PHEX: variants seen among roughly 807,000 people sequenced by gnomAD.
PHEX encodes phosphate-regulating neutral endopeptidase PHEX.
Under a neutral mutation model 68.0 loss-of-function variants are expected in PHEX, and 16 were observed. That is an observed-to-expected ratio of 0.24 (90% CI 0.16 to 0.36). The LOEUF (loss-of-function observed/expected upper bound fraction) is 0.36. Among genes scored for constraint, PHEX ranks in the 10% least tolerant of loss-of-function variants. The pLI is 1.00. For synonymous variants in PHEX, 208 were observed against 205.1 expected, an observed-to-expected ratio of 1.01 and a Z score of -0.12; for missense variants, 480 against 575.5, an observed-to-expected ratio of 0.83 and a Z score of 1.70.
chrX:22,185,858 C>T (rs774937224), intron 14 of PHEX, among the ~76,000 whole-genome samples: 27 of 107,398 alleles, frequency 2.5e-4, no homozygotes, highest in Non-Finnish European at 2.9e-4. Context: ...CAGGTTCAAG[C>T]GATTCTCCTG....
intron 11 of PHEX, among the ~76,000 whole-genome samples, chrX:22,125,685 G>T (rs1602316584): frequency 8.9e-6 from 1 of 111,746 alleles, no homozygotes; most frequent in Non-Finnish European, 1.9e-5. Context: ...GGAGACATTT[G>T]CTGTGAACCT....
chrX:22,136,026 A>G (rs779275903), intron 12 of PHEX, among the ~76,000 whole-genome samples: 231 of 95,498 alleles, frequency 2.4e-3, no homozygotes, highest in African/African-American at 9.1e-3. Flanking sequence ...CCTGGACCCC[A>G]GAAGATGTAA....
chrX:22,123,679 T>G (rs188933128), intron 11 of PHEX, among the ~76,000 whole-genome samples: 1 of 111,018 alleles, frequency 9.0e-6, no homozygotes, highest in African/African-American at 3.3e-5. Flanking sequence ...ATGCCTAGTA[T>G]AGTAGCTTTC....
At chrX:22,141,715 T>C in intron 12 of PHEX, among the ~76,000 whole-genome samples, 1 of 111,884 alleles carries the variant, frequency 8.9e-6, no homozygotes, top group Non-Finnish European at 1.9e-5. Context: ...GTTTTAAAAA[T>C]CTATGCTCAT....
intron 15 of PHEX, 144 bp from the exon 16 acceptor site, chrX:22,212,760 A>G (rs1291803662): frequency 7.4e-6 from 4 of 538,551 alleles, no homozygotes; most frequent in Non-Finnish European, 1.0e-5. Context: ...TATCATTGAG[A>G]CAGCTAGATC....
intron 6 of PHEX, among the ~76,000 whole-genome samples, chrX:22,092,824 A>C (rs1210184842): frequency 1.1e-5 from 1 of 94,314 alleles, no homozygotes; most frequent in Non-Finnish European, 2.0e-5. Flanking sequence ...ATCTCGGCTC[A>C]CTGCAACCTC....
intron 15 of PHEX, among the ~76,000 whole-genome samples, chrX:22,196,568 T>C (rs1365154859): frequency 8.9e-6 from 1 of 112,550 alleles, no homozygotes; most frequent in South Asian, 3.7e-4. Flanking sequence ...TATTTGGTTT[T>C]CATTTCTACT....
rs1184861432 is a variant in PHEX, at chrX:22,250,325, G to A, written c.*2372G>A. 1 of 112,135 alleles carries A rather than the reference G, an allele frequency of 8.9e-6. No individual in the cohort carries two copies. The highest frequency in any genetic ancestry group is 1.9e-5 in the Non-Finnish European group (1 of 53,225). 9.2% of individuals were successfully genotyped at this position (112,135 alleles called of 1,213,427 possible). On this transcript the variant is annotated 3_prime_UTR_variant, in exon 22 of 22. Coordinates refer to ENST00000379374, the MANE Select transcript of PHEX (RefSeq NM_000444.6). ...AGGTAAAATGCAACTGGAAGGGAAA[G>A]AAAAAAGTAGGGAGAAGCTGGCCTA... is the stretch of plus-strand genomic sequence containing the variant.
chrX:22,073,277 G>C (rs1928987706), intron 3 of PHEX, among the ~76,000 whole-genome samples: 1 of 113,275 alleles, frequency 8.8e-6, no homozygotes, highest in African/African-American at 3.2e-5. Context: ...CCGTTATCAT[G>C]TGCCCAGGCA....
intron 15 of PHEX, among the ~76,000 whole-genome samples, chrX:22,198,407 C>G (rs986386226): frequency 1.6e-4 from 17 of 109,074 alleles, no homozygotes; most frequent in Non-Finnish European, 2.7e-4. Flanking sequence ...GGTGAGTGTG[C>G]AACAGAAGGG....
At chrX:22,182,826 T>C (rs1430810214) in intron 14 of PHEX, among the ~76,000 whole-genome samples, 1 of 112,071 alleles carries the variant, frequency 8.9e-6, no homozygotes, top group Non-Finnish European at 1.9e-5. Flanking sequence ...AACTAAGGTC[T>C]CACTGAGCTA....
intron 13 of PHEX, chrX:22,169,905 A>C (rs1933464742): frequency 8.9e-6 from 1 of 112,530 alleles, no homozygotes; most frequent in Non-Finnish European, 1.9e-5. Flanking sequence ...ATTAGATGAG[A>C]CTGTATAAAT....
chrX:22,124,146 T>C (rs1317242407), intron 11 of PHEX, among the ~76,000 whole-genome samples: 1 of 111,447 alleles, frequency 9.0e-6, no homozygotes, highest in Non-Finnish European at 1.9e-5. Flanking sequence ...ATTTCTAGAA[T>C]AGGTCCAGAT....
intron 20 of PHEX, among the ~76,000 whole-genome samples, chrX:22,243,690 C>G (rs1936302495): frequency 8.9e-6 from 1 of 112,596 alleles, no homozygotes; most frequent in Admixed American, 9.4e-5. Context: ...CTCATTTTCA[C>G]TGGTCATTAG....
chrX:22,161,539 T>C (rs760647280), intron 12 of PHEX, among the ~76,000 whole-genome samples: 3 of 112,614 alleles, frequency 2.7e-5, no homozygotes, highest in Non-Finnish European at 3.7e-5. Flanking sequence ...AATATAGCCT[T>C]TTATATTTTC....
At chrX:22,062,324 T>C (rs1445982145) in intron 3 of PHEX, among the ~76,000 whole-genome samples, 1 of 111,513 alleles carries the variant, frequency 9.0e-6, no homozygotes, top group Non-Finnish European at 1.9e-5. Context: ...CCGATAGAAA[T>C]ATAATGTGAG....
intron 12 of PHEX, among the ~76,000 whole-genome samples, chrX:22,140,968 A>G (rs1482861702): frequency 6.5e-5 from 7 of 107,710 alleles, no homozygotes; most frequent in Non-Finnish European, 1.3e-4. Flanking sequence ...AGAGAGTGTG[A>G]GCACACTTAC....
At chrX:22,124,886 C>T (rs1234729258) in intron 11 of PHEX, among the ~76,000 whole-genome samples, 1 of 111,615 alleles carries the variant, frequency 9.0e-6, no homozygotes, top group Non-Finnish European at 1.9e-5. Context: ...AGCTATGTAA[C>T]ACTGCTAATC....
intron 15 of PHEX, among the ~76,000 whole-genome samples, chrX:22,195,878 C>G (rs1423528996): frequency 9.0e-6 from 1 of 111,490 alleles, no homozygotes; most frequent in Non-Finnish European, 1.9e-5. Flanking sequence ...CGTGTTCTAT[C>G]ATTAAAATTT....
Sources: gnomAD v4.1 joint callset for allele counts (sites outside exome capture counted in the v4.1 genomes callset) on GRCh38, gnomAD v4.1.1 for gene constraint, MANE v1.5 for transcripts, NCBI Gene and HGNC (gene_info 2026-07-23, HGNC 2026-07-21) for gene names.